The following NFIB variants were observed in gnomAD, a reference collection of about 807,000 sequenced individuals.
The protein encoded by NFIB is nuclear factor 1 B-type.
In NFIB, 11 loss-of-function variants were observed where a neutral mutation model predicts 61.5. The observed-to-expected ratio is 0.18, with a 90% CI of 0.11 to 0.30. The LOEUF (loss-of-function observed/expected upper bound fraction) is 0.30. NFIB is among the 10% of genes least tolerant of loss of function. The probability of loss-of-function intolerance (pLI) is 1.00; values close to 1 mark genes in which losing one functional copy is unlikely to be tolerated. For synonymous variants in NFIB, 260 were observed against 216.5 expected (o/e 1.20, Z -1.76); for missense variants, 471 against 608.9 (o/e 0.77, Z 2.38).
intron 1 of NFIB, among the ~76,000 whole-genome samples, chr9:14,377,403 G>C (rs1423840686): frequency 2.0e-5 from 3 of 152,068 alleles, no homozygotes; most frequent in African/African-American, 7.2e-5. Flanking sequence ...ATTTTTCCTA[G>C]AAATGGGGTC....
chr9:14,404,193 T>C, the NFIB span, among the ~76,000 whole-genome samples: 1 of 152,210 alleles, frequency 6.6e-6, no homozygotes, highest in East Asian at 1.9e-4. Context: ...TCTTTTACTC[T>C]TATTCCTGTA....
chr9:14,358,691 A>G (rs1234611089), intron 1 of NFIB, among the ~76,000 whole-genome samples: 1 of 152,114 alleles, frequency 6.6e-6, no homozygotes, highest in Middle Eastern at 3.2e-3. Context: ...TGGTTTGGCT[A>G]TTGCTGACCT....
At chr9:14,429,605 T>A in the NFIB span, among the ~76,000 whole-genome samples, 14 of 152,204 alleles carry the variant, frequency 9.2e-5, no homozygotes, top group Admixed American at 4.6e-4. Context: ...AGTCCCTTCA[T>A]CATCCCTCAA....
At chr9:14,448,244 A>G in the NFIB span, among the ~76,000 whole-genome samples, 7 of 152,308 alleles carry the variant, frequency 4.6e-5, no homozygotes, top group Admixed American at 1.3e-4. Context: ...TAACTTAACT[A>G]TGTCATATGA....
intron 8 of NFIB, 57 bp from the exon 9 acceptor site, chr9:14,116,403 C>G (rs1447123456): frequency 7.0e-7 from 1 of 1,424,248 alleles, no homozygotes; most frequent in African/African-American, 1.4e-5. Flanking sequence ...TCATCTTGTT[C>G]AACAAGTCCA....
chr9:14,379,627 C>A (rs1405466407), intron 1 of NFIB, among the ~76,000 whole-genome samples: 1 of 152,144 alleles, frequency 6.6e-6, no homozygotes. Context: ...GCTTAATTTA[C>A]AATCACACTG....
intron 3 of NFIB, among the ~76,000 whole-genome samples, chr9:14,173,174 G>A (rs1014735963): frequency 2.6e-5 from 4 of 152,174 alleles, no homozygotes; most frequent in Non-Finnish European, 5.9e-5. Flanking sequence ...CTATCTGTCA[G>A]GTGTGCTCCC....
At chr9:14,345,095 G>T (rs1045261136) in intron 1 of NFIB, among the ~76,000 whole-genome samples, 1 of 152,108 alleles carries the variant, frequency 6.6e-6, no homozygotes, top group Non-Finnish European at 1.5e-5. Flanking sequence ...CTCCCTGGGG[G>T]AACTGGCCAT....
intron 2 of NFIB, among the ~76,000 whole-genome samples, chr9:14,306,243 G>GAA (rs1258248321): frequency 3.3e-5 from 5 of 152,058 alleles, no homozygotes; most frequent in African/African-American, 4.8e-5. Context: ...TCTGTAAGCA[G>GAA]CGCTGCGACT....
At chr9:14,326,936 C>G (rs1262406284) in intron 1 of NFIB, among the ~76,000 whole-genome samples, 1 of 152,066 alleles carries the variant, frequency 6.6e-6, no homozygotes, top group Non-Finnish European at 1.5e-5. Flanking sequence ...TTTTGTGCAA[C>G]TTTAGAATTT....
intron 1 of NFIB, among the ~76,000 whole-genome samples, chr9:14,349,138 A>G (rs1452796770): frequency 2.0e-5 from 3 of 152,224 alleles, no homozygotes; most frequent in African/African-American, 4.8e-5. Flanking sequence ...TTTTTAAACA[A>G]TCTAACTGAA....
At chr9:14,175,242 C>T (rs559015640) in intron 3 of NFIB, among the ~76,000 whole-genome samples, 1 of 130,304 alleles carries the variant, frequency 7.7e-6, no homozygotes, top group Non-Finnish European at 1.5e-5. Context: ...GGTGCGATCT[C>T]GGCTAACTGC....
the NFIB span, among the ~76,000 whole-genome samples, chr9:14,485,434 G>T: frequency 6.6e-6 from 1 of 152,202 alleles, no homozygotes; most frequent in South Asian, 2.1e-4. Flanking sequence ...ATATAAGAAG[G>T]TGTATCAGTC....
chr9:14,220,975 C>A (rs912186116), intron 2 of NFIB, among the ~76,000 whole-genome samples: 2 of 151,860 alleles, frequency 1.3e-5, no homozygotes, highest in African/African-American at 4.8e-5. Context: ...ACTAGCCCAT[C>A]TACTCCCTCA....
chr9:14,316,953 A>G (rs1169199908), upstream of NFIB: 1 of 152,118 alleles, frequency 6.6e-6, no homozygotes, highest in Non-Finnish European at 1.5e-5. Flanking sequence ...AGAAGCCATT[A>G]TTTCGGGGTC....
At chr9:14,506,142 G>T in the NFIB span, among the ~76,000 whole-genome samples, 1 of 152,198 alleles carries the variant, frequency 6.6e-6, no homozygotes, top group African/African-American at 2.4e-5. Context: ...TTTGAAATTT[G>T]GTGTGTAAGT....
the NFIB span, among the ~76,000 whole-genome samples, chr9:14,467,355 G>A: frequency 3.9e-4 from 59 of 152,100 alleles, 1 homozygote; most frequent in Non-Finnish European, 2.5e-4. Context: ...AGTAGATCCA[G>A]GCACATCAGC....
intron 2 of NFIB, among the ~76,000 whole-genome samples, chr9:14,302,456 C>A (rs1192825741): frequency 6.6e-6 from 1 of 152,078 alleles, no homozygotes; most frequent in African/African-American, 2.4e-5. Flanking sequence ...AAAGTGGCCA[C>A]CCAACAAGAG....
At chr9:14,427,937 G>GTTTTATTTTTTTTTTTTTTTTTTTTT in the NFIB span, among the ~76,000 whole-genome samples, 1 of 43,384 alleles carries the variant, frequency 2.3e-5, no homozygotes, top group Non-Finnish European at 4.4e-5. Context: ...TAATTCAGTT[G>GTTTTATTTTTTTTTTTTTTTTTTTTT]TTTTTTTTTT....
Sources: gnomAD v4.1 joint callset for allele counts (sites outside exome capture counted in the v4.1 genomes callset) on GRCh38, gnomAD v4.1.1 for gene constraint, MANE v1.5 for transcripts, NCBI Gene and HGNC (gene_info 2026-07-23, HGNC 2026-07-21) for gene names.